Variants in SDCBP2 observed in about 807,000 individuals in gnomAD.
SDCBP2 encodes the protein syndecan binding protein 2.
SDCBP2 carries 28 observed loss-of-function variants against 30.7 expected under a neutral mutation model. The observed-to-expected ratio is 0.91, with a 90% CI of 0.68 to 1.25. SDCBP2 has a LOEUF of 1.25. SDCBP2 is among the 50% of genes most tolerant of loss of function. The probability of loss-of-function intolerance (pLI) is 0.00; values close to 1 mark genes in which losing one functional copy is unlikely to be tolerated. For synonymous variants in SDCBP2, 166 were observed against 157.3 expected (o/e 1.06, Z -0.41); for missense variants, 399 against 379.0 (o/e 1.05, Z -0.44).
rs55648421 is a variant in SDCBP2 at position 1,312,505 on chromosome 20, C to T, written c.564G>A (p.Pro188=). Residue 188 remains proline, a synonymous_variant, in exon 7 of 9, where the codon CCG becomes CCA. Coordinates refer to ENST00000360779, the MANE Select transcript of SDCBP2 (RefSeq NM_080489.5). ...DKIVVVVRDR[P]FQRTVTMHKD... ...TGTGCATGGTGACAGTCCGCTGGAACGGCCTGGCAGGAGGGACAGTGAGCT... is the reference window on the plus strand; with the variant it reads ...TGTGCATGGTGACAGTCCGCTGGAATGGCCTGGCAGGAGGGACAGTGAGCT... The T allele has an allele frequency of 8.7e-3, 14,071 of 1,614,148 alleles. 112 individuals are homozygous for T. Among genetic ancestry groups the T allele is most frequent in the East Asian group, 0.013 (571 of 44,886 alleles).
At position 1,313,228 on chromosome 20, in the gene SDCBP2, G is replaced by A. The variant is rs1282689571; in HGVS notation, c.384+112C>T. On this transcript the variant is annotated intron_variant, in intron 5 of 8. Coordinates refer to ENST00000360779, the MANE Select transcript of SDCBP2 (RefSeq NM_080489.5). This position sits in a 1 kb window ranked among gnomAD's most constrained non-coding sequence, Gnocchi z 5.2. The stretch of plus-strand genomic sequence containing the variant: ...GGCAAGAGCCTGGCCGCTGGGGTTA[G>A]GAGGCCCGCTCTGCACCTTCCTTAC... 8.6e-7 allele frequency: 1 copy of A among 1,161,226 alleles called. No individual in the cohort carries two copies. The highest frequency in any genetic ancestry group is 2.6e-5 in the East Asian group (1 of 38,740). 71.9% of individuals were successfully genotyped at this position (1,161,226 alleles called of 1,614,324 possible).
chr20:1,312,282 G>A, intron 7 of SDCBP2, 55 bp downstream of exon 7: 1 of 1,569,052 alleles, frequency 6.4e-7, no homozygotes, highest in African/African-American at 1.4e-5. Context: ...GCTGCCCAAA[G>A]ACCTGAGCCC....
At position 1,310,940 on chromosome 20, in the gene SDCBP2, G is replaced by A. The variant is rs369914845; in HGVS notation, c.733-49C>T. 7 of 1,416,690 alleles carry A rather than the reference G, an allele frequency of 4.9e-6. No homozygotes were observed. The African/African-American group carries it at 8.4e-5, about 17-fold the overall frequency. The allele number at this position is 1,416,690 out of a possible 1,614,324, so 87.8% of individuals were successfully genotyped here. ...TCACCCTAAGGATTGGGGACCAGGG[G>A]CAACTCTACAGGCCCCTCTGTGGAG... On this transcript the variant is annotated intron_variant, in intron 7 of 8. Coordinates refer to ENST00000360779, the MANE Select transcript of SDCBP2 (RefSeq NM_080489.5).
rs1179349162 is a variant in SDCBP2, at chr20:1,321,676, T to G, written c.-19-1241A>C. 1 of 152,286 alleles carries G rather than the reference T, an allele frequency of 6.6e-6. No homozygotes were observed. The highest frequency in any genetic ancestry group is 1.5e-5 in the Non-Finnish European group (1 of 68,070). 9.4% of individuals were successfully genotyped at this position (152,286 alleles called of 1,614,324 possible). A position where few individuals can be genotyped will look rare whatever the true frequency, so the allele number is the denominator to read the frequency against. On this transcript the variant is annotated intron_variant, in intron 1 of 8. Coordinates refer to ENST00000360779, the MANE Select transcript of SDCBP2 (RefSeq NM_080489.5). The surrounding 1 kb of genome is among the most constrained non-coding windows in gnomAD (Gnocchi z 5.2). Reference sequence around the variant, plus strand: ...AAGCCCGCCAGTGGCTTCCCTGCCTTGGGAATGTACTCTCCTTAAAGAGGC... The same window carrying G: ...AAGCCCGCCAGTGGCTTCCCTGCCTGGGGAATGTACTCTCCTTAAAGAGGC...
At chr20:1,311,205 T>C (rs1349468317) in intron 7 of SDCBP2, 2 of 263,764 alleles carry the variant, frequency 7.6e-6, no homozygotes, top group Non-Finnish European at 1.4e-5. Context: ...ATCAATGCGA[T>C]TCTCCTCCCC....
Position 1,312,396 on chromosome 20 carries a change from C to T in SDCBP2, c.673G>A (p.Gly225Arg), listed in dbSNP as rs150913229. Reference sequence around the variant, plus strand: ...CACACGTAGTGGTTGGTGAGGAGCCCGTTGCGGGCCGCAGAACTCCCTTTG... The same window carrying T: ...CACACGTAGTGGTTGGTGAGGAGCCTGTTGCGGGCCGCAGAACTCCCTTTG... ...LVKGSSAARN[G>R]LLTNHYVCEV... The change falls in exon 7 of 9, where the codon GGG (glycine) becomes AGG (arginine). Residue 225 changes from glycine (G) to arginine (R), a missense_variant. Transcript: ENST00000360779. The T allele has an allele frequency of 1.4e-4, 232 of 1,613,456 alleles. 1 individual carries two copies. Among genetic ancestry groups the T allele is most frequent in the Non-Finnish European group, 1.8e-4 (217 of 1,179,738 alleles).
At chr20:1,314,595 A>AAG (rs1451519750) in intron 4 of SDCBP2, among the ~76,000 whole-genome samples, 1 of 148,902 alleles carries the variant, frequency 6.7e-6, no homozygotes, top group Non-Finnish European at 1.5e-5. Context: ...CACTCAAAAA[A>AAG]AAAAAAAAAA....
chr20:1,312,240 A>G, intron 7 of SDCBP2, 97 bp downstream of exon 7: 1 of 1,223,052 alleles, frequency 8.2e-7, no homozygotes, highest in Non-Finnish European at 1.1e-6. Flanking sequence ...AACCTTAGGA[A>G]GAGGATGCTG....
At chr20:1,326,268 G>A (rs1183284903) in intron 1 of SDCBP2, among the ~76,000 whole-genome samples, 1 of 152,172 alleles carries the variant, frequency 6.6e-6, no homozygotes, top group African/African-American at 2.4e-5. Flanking sequence ...CCTCCCCAGC[G>A]GTCTCACTGA....
rs2088694776 is a variant in SDCBP2, at chr20:1,312,600, C to T, written c.547G>A (p.Val183Met). The change falls in exon 6 of 9, where the codon GTG (valine) becomes ATG (methionine). Residue 183 changes from valine to methionine, a missense_variant. Val to Met is a conservative substitution (Grantham distance 21). Transcript: ENST00000360779. ...CTGGCTACTCACCTGTCCCGAACCACCACGACAATCTTATCGCCTGATGCC... is the reference window on the plus strand; with the variant it reads ...CTGGCTACTCACCTGTCCCGAACCATCACGACAATCTTATCGCCTGATGCC... ...KKASGDKIVVVVRDRPFQRTV... is the reference protein window; with the variant it reads ...KKASGDKIVVMVRDRPFQRTV... 6.2e-7 allele frequency: 1 copy of T among 1,613,950 alleles called. No homozygotes were observed. The highest frequency in any genetic ancestry group is 8.5e-7 in the Non-Finnish European group (1 of 1,179,858).
chr20:1,318,385 T>C lies in SDCBP2; in HGVS notation c.158A>G (p.Tyr53Cys). 6.2e-7 allele frequency: 1 copy of C among 1,607,186 alleles called. No homozygotes were observed. Among genetic ancestry groups the C allele is most frequent in the Non-Finnish European group, 8.5e-7 (1 of 1,176,486 alleles). Residue 53 changes from tyrosine to cysteine, a missense_variant, in exon 4 of 9, where the codon TAT becomes TGT. By Grantham distance (194) the Tyr-to-Cys change is radical (BLOSUM62 -2). Transcript: ENST00000360779. ...TTGGCTGGAGAGGGAAAGACCCATA[T>C]AATTTTCCAGTTCTGCCAAGTTTGG... The part of the protein sequence containing the change: ...LYPNLAELEN[Y>C]MGLSLSSQEV...
intron 4 of SDCBP2, chr20:1,317,749 T>G: frequency 4.6e-6 from 1 of 218,768 alleles, no homozygotes; most frequent in Non-Finnish European, 9.3e-6. Context: ...TACTTTCAGT[T>G]TCATCGGCTC....
intron 1 of SDCBP2, among the ~76,000 whole-genome samples, chr20:1,328,854 A>G (rs1364704100): frequency 6.6e-6 from 1 of 152,110 alleles, no homozygotes; most frequent in African/African-American, 2.4e-5. Flanking sequence ...GGGGGCCCTC[A>G]TGATGTCTGG....
intron 3 of SDCBP2, 57 bp downstream of exon 3, chr20:1,319,533 T>G: frequency 2.6e-6 from 4 of 1,514,776 alleles, no homozygotes; most frequent in Non-Finnish European, 3.6e-6. Flanking sequence ...GCTTCCCTGA[T>G]GATCTCTTCC....
chr20:1,312,436 C>T lies in SDCBP2; in HGVS notation c.633G>A (p.Lys211=). The change falls in exon 7 of 9, where the codon AAG becomes AAA. Residue 211 remains lysine (K), a synonymous_variant. Transcript: ENST00000360779. The part of the protein sequence containing the change: ...GHVGFVIKKG[K]IVSLVKGSSA... ...AACTCCCTTTGACCAGAGAGACAAT[C>T]TTCCCCTTCTTGATCACGAAGCCGA... 1 of 1,614,116 alleles carries T rather than the reference C, an allele frequency of 6.2e-7. No individual in the cohort carries two copies. The highest frequency in any genetic ancestry group is 2.2e-5 in the East Asian group (1 of 44,878).
At position 1,320,737 on chromosome 20, in the gene SDCBP2, G is replaced by A. The variant is rs1216973746; in HGVS notation, c.-19-302C>T. On this transcript the variant is annotated intron_variant, in intron 1 of 8. Transcript: ENST00000360779. The surrounding 1 kb of genome is among the most constrained non-coding windows in gnomAD (Gnocchi z 4.7). The stretch of plus-strand genomic sequence containing the variant: ...TAGCAGAACTTAGACACTCAACAGG[G>A]CACTGCTCCAGAGGGAGGAGGGAAT... The A allele has an allele frequency of 8.7e-6, 2 of 230,278 alleles. No homozygotes were observed. The highest frequency in any genetic ancestry group is 5.2e-5 in the Admixed American group (1 of 19,252). The allele number at this position is 230,278 out of a possible 1,614,324, so 14.3% of individuals were successfully genotyped here. A position where few individuals can be genotyped will look rare whatever the true frequency, so the allele number is the denominator to read the frequency against.
intron 1 of SDCBP2, among the ~76,000 whole-genome samples, chr20:1,328,480 G>C (rs1433792785): frequency 1.3e-5 from 2 of 152,136 alleles, no homozygotes; most frequent in East Asian, 3.9e-4. Context: ...CCCATACCAG[G>C]CTCGTTTTCT....
rs755755502 is a variant in SDCBP2 at position 1,310,801 on chromosome 20, T to C, written c.823A>G (p.Lys275Glu). The change falls in exon 8 of 9, where the codon AAG (lysine) becomes GAG (glutamate). Residue 275 changes from lysine (K) to glutamate (E), a missense_variant and splice_region_variant. By Grantham distance (56) the Lys-to-Glu change is moderately conservative. Coordinates refer to ENST00000360779, the MANE Select transcript of SDCBP2 (RefSeq NM_080489.5). ...GGGTGAGGAGGGGTGCAGCCTTACT[T>C]TTTGACCATGTGCTCGTAGATCACA... ...PSVIYEHMVK[K>E]LPPVLLHHTM... 6.2e-7 allele frequency: 1 copy of C among 1,611,934 alleles called. No individual in the cohort carries two copies. Among genetic ancestry groups the C allele is most frequent in the East Asian group, 2.2e-5 (1 of 44,812 alleles).
intron 1 of SDCBP2, among the ~76,000 whole-genome samples, chr20:1,328,347 A>T (rs2088961589): frequency 6.6e-6 from 1 of 152,052 alleles, no homozygotes; most frequent in African/African-American, 2.4e-5. Context: ...CCTCTGGCTG[A>T]TGTTTGGAGG....
Sources: gnomAD v4.1 joint callset for allele counts (sites outside exome capture counted in the v4.1 genomes callset) on GRCh38, gnomAD v4.1.1 for gene constraint, Gnocchi (gnomAD v3.1) non-coding constraint, MANE v1.5 for transcripts, NCBI Gene and HGNC (gene_info 2026-07-23, HGNC 2026-07-21) for gene names.